The following TAOK3 variants were observed in gnomAD, a reference collection of about 807,000 sequenced individuals.
The protein encoded by TAOK3 is TAO kinase 3.
In TAOK3, 40 loss-of-function variants were observed where a neutral mutation model predicts 120.4. The observed-to-expected ratio is 0.33, with a 90% CI of 0.26 to 0.43. TAOK3 has a LOEUF of 0.43. TAOK3 is among the 20% of genes least tolerant of loss of function. The pLI is 1.00. For missense variants in TAOK3, 821 were observed against 1,112.1 expected (o/e 0.74, Z 3.72); for synonymous variants, 355 against 387.5 (o/e 0.92, Z 0.99).
intron 12 of TAOK3, chr12:118,199,559 C>T: frequency 2.6e-6 from 1 of 381,268 alleles, no homozygotes; most frequent in Non-Finnish European, 4.9e-6. Flanking sequence ...ATTCAGTAAG[C>T]AAAATCAAGC....
At chr12:118,359,009 G>A (rs1393701934) in intron 1 of TAOK3, 1 of 152,006 alleles carries the variant, frequency 6.6e-6, no homozygotes, top group East Asian at 1.9e-4. Context: ...CAATCAATAC[G>A]ATTTCCCCAG....
At chr12:118,348,159 C>CCTAGTACGGAG (rs1439427859) in intron 1 of TAOK3, among the ~76,000 whole-genome samples, 3 of 152,102 alleles carry the variant, frequency 2.0e-5, no homozygotes, top group African/African-American at 7.2e-5. Context: ...ACTCCATCTC[C>CCTAGTACGGAG]ATGTTACCCC....
Position 118,281,881 on chromosome 12 carries a change from C to T in TAOK3, c.-193-15122G>A, listed in dbSNP as rs572492198. Among the ~76,000 whole-genome samples the T allele has an allele frequency of 2.6e-5, 4 of 152,078 alleles. 1 individual carries two copies. The South Asian group carries it at 8.3e-4, about 32-fold the overall frequency. On this transcript the variant is annotated intron_variant, in intron 1 of 20. Transcript: ENST00000392533. ...AGTCTAATAACTACAATAATTTCAA[C>T]AAGTGATGAGCATAAAAAATATTTT...
At chr12:118,278,381 G>T (rs1285018007) in intron 1 of TAOK3, among the ~76,000 whole-genome samples, 1 of 152,134 alleles carries the variant, frequency 6.6e-6, no homozygotes, top group African/African-American at 2.4e-5. Flanking sequence ...ACTTAAAAGT[G>T]AGAACATGCA....
At chr12:118,233,852 A>C (rs914707322) in intron 8 of TAOK3, 87 bp from the exon 9 acceptor site, 1 of 832,014 alleles carries the variant, frequency 1.2e-6, no homozygotes, top group African/African-American at 1.7e-5. Flanking sequence ...GCTGTTCTTA[A>C]GGGTATTCTG....
intron 1 of TAOK3, among the ~76,000 whole-genome samples, chr12:118,301,481 G>A (rs905627335): frequency 4.6e-5 from 7 of 152,084 alleles, no homozygotes; most frequent in African/African-American, 1.7e-4. Context: ...CATGAATGAC[G>A]ATCCAGCAAA....
At chr12:118,206,657 C>T (rs2038330403) in intron 11 of TAOK3, among the ~76,000 whole-genome samples, 1 of 151,828 alleles carries the variant, frequency 6.6e-6, no homozygotes, top group African/African-American at 2.4e-5. Flanking sequence ...AGTGCAGTGG[C>T]GCCATCTCAG....
chr12:118,264,146 T>C (rs1019258899), intron 2 of TAOK3, among the ~76,000 whole-genome samples: 9 of 152,240 alleles, frequency 5.9e-5, no homozygotes, highest in African/African-American at 2.2e-4. Flanking sequence ...GAATGTAAAA[T>C]GGTAAAACAC....
In TAOK3 at chr12:118,196,533, A is replaced by G. The variant is rs560485959; in HGVS notation, c.1194+2518T>C. ...CTCTGTCTCCAAAAATTAAAAAAAGAAAAGAAAAGATATATCTGCTTGATT... is the reference window on the plus strand; with the variant it reads ...CTCTGTCTCCAAAAATTAAAAAAAGGAAAGAAAAGATATATCTGCTTGATT... On this transcript the variant is annotated intron_variant, in intron 13 of 20. Transcript: ENST00000392533. Among the ~76,000 whole-genome samples the G allele has an allele frequency of 5.3e-5, 8 of 152,310 alleles. No homozygotes were observed. The South Asian group carries it at 8.3e-4, about 16-fold the overall frequency.
chr12:118,323,147 GA>G (rs1017395279), intron 1 of TAOK3, among the ~76,000 whole-genome samples: 1 of 151,706 alleles, frequency 6.6e-6, no homozygotes, highest in African/African-American at 2.4e-5. Context: ...CAGGTAAAAA[GA>G]AAAAAAGTGT....
At chr12:118,348,245 G>A (rs1190615691) in intron 1 of TAOK3, among the ~76,000 whole-genome samples, 6 of 152,154 alleles carry the variant, frequency 3.9e-5, no homozygotes, top group African/African-American at 1.4e-4. Flanking sequence ...TGACCTTGAT[G>A]TCATTCTATT....
chr12:118,351,749 C>G (rs1305535893), intron 1 of TAOK3, among the ~76,000 whole-genome samples: 10 of 151,816 alleles, frequency 6.6e-5, no homozygotes. Context: ...CACACCTTCA[C>G]AGAGCCTAAC....
At chr12:118,348,507 G>A (rs2044978927) in intron 1 of TAOK3, among the ~76,000 whole-genome samples, 1 of 151,294 alleles carries the variant, frequency 6.6e-6, no homozygotes, top group Admixed American at 6.6e-5. Context: ...CTGGAGTGCA[G>A]TGGCACAATC....
intron 1 of TAOK3, among the ~76,000 whole-genome samples, chr12:118,368,353 C>G (rs1189111814): frequency 1.3e-5 from 2 of 152,024 alleles, no homozygotes; most frequent in Non-Finnish European, 2.9e-5. Context: ...CCTGCCACCA[C>G]GCCCCGGCTA....
At chr12:118,237,910 G>A (rs542478506) in intron 7 of TAOK3, among the ~76,000 whole-genome samples, 163 bp downstream of exon 7, 1 of 152,214 alleles carries the variant, frequency 6.6e-6, no homozygotes, top group Non-Finnish European at 1.5e-5. Context: ...AGAGATAGAA[G>A]CTAAATTCTG....
chr12:118,304,236 G>C (rs2042973366), intron 1 of TAOK3, among the ~76,000 whole-genome samples: 1 of 152,162 alleles, frequency 6.6e-6, no homozygotes, highest in African/African-American at 2.4e-5. Context: ...CATTCACTTA[G>C]AGGTAAATTC....
intron 16 of TAOK3, among the ~76,000 whole-genome samples, chr12:118,175,818 C>A (rs568105835): frequency 6.6e-6 from 1 of 152,290 alleles, no homozygotes; most frequent in South Asian, 2.1e-4. Flanking sequence ...AAAAGGAGAA[C>A]TGAAGAAATT....
intron 14 of TAOK3, 73 bp downstream of exon 14, chr12:118,189,734 C>A: frequency 6.3e-7 from 1 of 1,580,418 alleles, no homozygotes; most frequent in East Asian, 2.2e-5. Context: ...GAGACAGGCT[C>A]AGGGAGGGCG....
chr12:118,336,110 T>C (rs1261442367), intron 1 of TAOK3, among the ~76,000 whole-genome samples: 15 of 152,178 alleles, frequency 9.9e-5, no homozygotes, highest in South Asian at 2.1e-4. Flanking sequence ...GACGTTTACA[T>C]GGACAGGCAA....
Sources: gnomAD v4.1 joint callset for allele counts (sites outside exome capture counted in the v4.1 genomes callset) on GRCh38, gnomAD v4.1.1 for gene constraint, MANE v1.5 for transcripts, NCBI Gene and HGNC (gene_info 2026-07-23, HGNC 2026-07-21) for gene names.